Variants in DNAH11 observed in about 807,000 individuals in gnomAD.
The protein encoded by DNAH11 is axonemal beta dynein heavy chain 11.
DNAH11 carries 442 observed loss-of-function variants against 526.0 expected under a neutral mutation model. The ratio of observed to expected loss-of-function variants is 0.84; its 90% CI spans 0.78 to 0.91. The LOEUF is 0.91. DNAH11 is among the 40% of genes least tolerant of loss of function. The pLI is 0.00. For missense variants in DNAH11, 6,989 were observed against 5,448.7 expected (o/e 1.28, Z -8.90); for synonymous variants, 2,461 against 1,935.9 (o/e 1.27, Z -7.12).
intron 79 of DNAH11, 91 bp from the exon 80 acceptor site, chr7:21,899,245 C>A: frequency 2.0e-6 from 2 of 985,674 alleles, no homozygotes; most frequent in Non-Finnish European, 3.3e-6. Context: ...TCCTCCACCA[C>A]CACCCTGCCC....
At chr7:21,850,168 A>T (rs1782569870) in intron 66 of DNAH11, among the ~76,000 whole-genome samples, 1 of 150,164 alleles carries the variant, frequency 6.7e-6, no homozygotes, top group South Asian at 2.1e-4. Flanking sequence ...CATCCTGGCT[A>T]ACACGGTGAA....
chr7:21,728,458 C>T lies in DNAH11; in HGVS notation c.7440+2474C>T, dbSNP rs182509047. 1.8e-4 allele frequency among the ~76,000 whole-genome samples: 27 copies of T among 151,866 alleles called. No homozygotes were observed. The East Asian group carries it at 4.9e-3, about 27-fold the overall frequency. ...ATTTTTAGTAGAGACGGGGTTTCAC[C>T]ATGTTGGCCAGGCTGGTCTTGAACT... On this transcript the variant is annotated intron_variant, in intron 45 of 81. Transcript: ENST00000409508.
intron 20 of DNAH11, among the ~76,000 whole-genome samples, chr7:21,612,554 C>CAAAAAAAAAAAAAAA (rs34356379): frequency 7.6e-4 from 62 of 81,218 alleles, no homozygotes; most frequent in Admixed American, 2.7e-3. Context: ...GGCTCCGTCT[C>CAAAAAAAAAAAAAAA]AAAAAAAAAA....
rs569086206 is a variant in DNAH11 at position 21,581,964 on chromosome 7, T to C, written c.1653T>C (p.Leu551=). Residue 551 remains leucine, a synonymous_variant, in exon 9 of 82, where the codon CTT becomes CTC. Transcript: ENST00000409508. ...AAACTCTGGAATTTGACAGAAGGCT[T>C]GGGACAATTATTTGTGAAGCTTTCT... is the stretch of plus-strand genomic sequence containing the variant. ...KSKTLEFDRR[L]GTIICEAFFN... is the part of the protein sequence containing the mutation. 1.1e-5 allele frequency: 18 copies of C among 1,613,332 alleles called. No homozygotes were observed. The highest frequency in any genetic ancestry group is 1.5e-5 in the Non-Finnish European group (18 of 1,179,532).
chr7:21,764,294 G>A (rs1787070751), intron 54 of DNAH11, among the ~76,000 whole-genome samples: 1 of 152,002 alleles, frequency 6.6e-6, no homozygotes, highest in African/African-American at 2.4e-5. Flanking sequence ...AATGAGATAT[G>A]GGTGCACGTA....
At chr7:21,737,878 T>G (rs1157163206) in intron 46 of DNAH11, among the ~76,000 whole-genome samples, 1 of 152,204 alleles carries the variant, frequency 6.6e-6, no homozygotes, top group African/African-American at 2.4e-5. Context: ...CTAGTAAGAA[T>G]TAATGCCCAG....
chr7:21,544,999 G>GT lies in DNAH11; in HGVS notation c.352-3dup. The GT allele has an allele frequency of 6.4e-7, 1 of 1,569,966 alleles. No individual in the cohort carries two copies. The highest frequency in any genetic ancestry group is 8.6e-7 in the Non-Finnish European group (1 of 1,157,498). On this transcript the variant is annotated splice_region_variant and splice_polypyrimidine_tract_variant and intron_variant, in intron 1 of 81. Coordinates refer to ENST00000409508, the MANE Select transcript of DNAH11 (RefSeq NM_001277115.2). ...TACTTGAACTAATTATCTTGCTCTT[G>GT]TTTTAGATTCCAAGAGATGCAAACC...
In DNAH11 at chr7:21,807,959, G is replaced by A. The variant is rs559218045; in HGVS notation, c.10242G>A (p.Thr3414=). The A allele has an allele frequency of 4.5e-5, 73 of 1,608,426 alleles. 1 individual carries two copies. Among genetic ancestry groups the A allele is most frequent in the South Asian group, 3.4e-4 (31 of 90,136 alleles). ...EKTLCGDVLL[T]AAFVSYVGPF... ...CACTCTGTGGAGATGTTCTTCTCAC[G>A]GCGGCATTTGTGTCTTACGTCGGAC... Residue 3414 remains threonine (T), a synonymous_variant, in exon 63 of 82, where the codon ACG becomes ACA. Coordinates refer to ENST00000409508, the MANE Select transcript of DNAH11 (RefSeq NM_001277115.2).
At chr7:21,840,644 C>A (rs575545518) in intron 65 of DNAH11, among the ~76,000 whole-genome samples, 2 of 152,054 alleles carry the variant, frequency 1.3e-5, no homozygotes, top group African/African-American at 4.8e-5. Context: ...AGGTTCCTAG[C>A]AGGAAAGAGA....
Position 21,600,782 on chromosome 7 carries a change from C to T in DNAH11, c.3107C>T (p.Thr1036Ile). Residue 1036 changes from threonine to isoleucine, a missense_variant, in exon 16 of 82, where the codon ACC becomes ATC. By Grantham distance (89) the Thr-to-Ile change is moderately conservative (BLOSUM62 -1). Coordinates refer to ENST00000409508, the MANE Select transcript of DNAH11 (RefSeq NM_001277115.2). ...KVLDFRNTLETHTYLWVDDRA... is the reference protein window; with the variant it reads ...KVLDFRNTLEIHTYLWVDDRA... ...TTAGATTTCAGAAACACCCTGGAGA[C>T]CCACACTTACCTCTGGGTGGATGAT... is the stretch of plus-strand genomic sequence containing the variant. The T allele has an allele frequency of 6.2e-7, 1 of 1,613,762 alleles. No homozygotes were observed. The highest frequency in any genetic ancestry group is 8.5e-7 in the Non-Finnish European group (1 of 1,179,824).
chr7:21,789,318 A>G lies in DNAH11; in HGVS notation c.10002A>G (p.Leu3334=). ...NLELAAATEK[L]EAIRKKLVDL... ...AACTGGCTGCAGCTACTGAAAAACTAGAGGCTATCAGGAAAAAGCTTGTGG... is the reference window on the plus strand; with the variant it reads ...AACTGGCTGCAGCTACTGAAAAACTGGAGGCTATCAGGAAAAAGCTTGTGG... Residue 3334 remains leucine (L), a synonymous_variant, in exon 61 of 82, where the codon CTA becomes CTG. Coordinates refer to ENST00000409508, the MANE Select transcript of DNAH11 (RefSeq NM_001277115.2). 6.4e-7 allele frequency: 1 copy of G among 1,571,646 alleles called. No homozygotes were observed. Among genetic ancestry groups the G allele is most frequent in the Non-Finnish European group, 8.6e-7 (1 of 1,157,970 alleles).
intron 45 of DNAH11, among the ~76,000 whole-genome samples, chr7:21,727,987 A>G (rs1785206418): frequency 6.6e-6 from 1 of 151,954 alleles, no homozygotes; most frequent in Non-Finnish European, 1.5e-5. Flanking sequence ...GTGTGTCTAA[A>G]TTTCCTCTTC....
At chr7:21,681,169 G>A (rs1041943928) in intron 30 of DNAH11, among the ~76,000 whole-genome samples, 2 of 152,128 alleles carry the variant, frequency 1.3e-5, no homozygotes, top group Non-Finnish European at 2.9e-5. Flanking sequence ...GCTCATGCCT[G>A]TAATCCCAGC....
intron 55 of DNAH11, among the ~76,000 whole-genome samples, chr7:21,772,179 C>A (rs1210289474): frequency 6.6e-6 from 1 of 152,150 alleles, no homozygotes; most frequent in Non-Finnish European, 1.5e-5. Context: ...AGTTATTTTG[C>A]CCCATTGAGA....
At chr7:21,841,239 ATATTT>A (rs1433467073) in intron 65 of DNAH11, among the ~76,000 whole-genome samples, 1 of 152,200 alleles carries the variant, frequency 6.6e-6, no homozygotes, top group Non-Finnish European at 1.5e-5. Flanking sequence ...TAAAAATAAA[ATATTT>A]TAATACGTTA....
intron 80 of DNAH11, among the ~76,000 whole-genome samples, chr7:21,899,677 G>C (rs898404269): frequency 3.9e-5 from 6 of 152,196 alleles, no homozygotes; most frequent in African/African-American, 1.2e-4. Flanking sequence ...GTGAGGTGGG[G>C]CACGGTGTGC....
chr7:21,620,412 A>C (rs575249000), intron 25 of DNAH11, among the ~76,000 whole-genome samples: 6 of 151,548 alleles, frequency 4.0e-5, no homozygotes, highest in African/African-American at 1.2e-4. Context: ...GGTAACCATC[A>C]TTCTACTCTC....
intron 63 of DNAH11, among the ~76,000 whole-genome samples, chr7:21,813,666 C>T (rs1382160950): frequency 6.6e-6 from 1 of 152,172 alleles, no homozygotes; most frequent in African/African-American, 2.4e-5. Context: ...TGTCTTTTCT[C>T]TCTAGCAAAT....
chr7:21,804,102 GT>G (rs2127994737), intron 62 of DNAH11, among the ~76,000 whole-genome samples: 1 of 147,122 alleles, frequency 6.8e-6, no homozygotes, highest in South Asian at 2.1e-4. Flanking sequence ...GTTTTGTTTT[GT>G]TTTGTTTTGT....
Sources: gnomAD v4.1 joint callset for allele counts (sites outside exome capture counted in the v4.1 genomes callset) on GRCh38, gnomAD v4.1.1 for gene constraint, MANE v1.5 for transcripts, NCBI Gene and HGNC (gene_info 2026-07-23, HGNC 2026-07-21) for gene names.